The following CDKL5 variants were observed in gnomAD, a reference collection of about 807,000 sequenced individuals.
The protein encoded by CDKL5 is cyclin-dependent kinase-like 5.
CDKL5 carries 8 observed loss-of-function variants against 61.7 expected under a neutral mutation model. The ratio of observed to expected loss-of-function variants is 0.13; its 90% CI spans 0.08 to 0.23. The LOEUF (loss-of-function observed/expected upper bound fraction) is 0.23. Ranked by LOEUF, CDKL5 falls within the 10% of genes least tolerant of loss-of-function variation. The pLI is 1.00. For synonymous variants in CDKL5, 275 were observed against 272.3 expected (o/e 1.01, Z -0.10); for missense variants, 440 against 734.5 (o/e 0.60, Z 4.63).
downstream of CDKL5, among the ~76,000 whole-genome samples, chrX:18,645,013 G>C (rs183715973): frequency 8.9e-6 from 1 of 111,922 alleles, no homozygotes; most frequent in East Asian, 2.8e-4. Flanking sequence ...ACCTTTCTGC[G>C]CATTTCACTC....
At chrX:18,474,315 G>T (rs763431753) in intron 1 of CDKL5, among the ~76,000 whole-genome samples, 1 of 111,279 alleles carries the variant, frequency 9.0e-6, no homozygotes, top group East Asian at 2.8e-4. Context: ...AAATTGTAAG[G>T]GTATGGTATG....
chrX:18,509,197 G>GCGCACGCGCGCACACACACA (rs1555940193), intron 2 of CDKL5, among the ~76,000 whole-genome samples: 1 of 64,314 alleles, frequency 1.6e-5, no homozygotes, highest in South Asian at 1.1e-3. Flanking sequence ...CTCAAAACAC[G>GCGCACGCGCGCACACACACA]CACACACACA....
intron 1 of CDKL5, among the ~76,000 whole-genome samples, chrX:18,477,531 C>T (rs1921363850): frequency 9.0e-6 from 1 of 111,644 alleles, no homozygotes; most frequent in African/African-American, 3.2e-5. Flanking sequence ...TTCTCCTTTA[C>T]TGTTTTATTT....
At chrX:18,569,996 T>C (rs1405253456) in intron 4 of CDKL5, among the ~76,000 whole-genome samples, 1 of 112,023 alleles carries the variant, frequency 8.9e-6, no homozygotes, top group Non-Finnish European at 1.9e-5. Flanking sequence ...TTCTTCTTAA[T>C]TATTAGAAAA....
downstream of CDKL5, chrX:18,641,769 CGG>C (rs1927582439): frequency 7.4e-6 from 3 of 406,465 alleles, no homozygotes; most frequent in East Asian, 1.2e-4. Flanking sequence ...AAATTCGTTT[CGG>C]GGACATTTTC....
intron 1 of CDKL5, among the ~76,000 whole-genome samples, chrX:18,476,549 T>C (rs17274225): frequency 0.021 from 2,326 of 111,694 alleles, 70 homozygotes; most frequent in East Asian, 0.19. Flanking sequence ...GATTTTTGAT[T>C]ACCAATTACT....
At chrX:18,607,542 A>G (rs145470689) in intron 12 of CDKL5, among the ~76,000 whole-genome samples, 1,588 of 112,480 alleles carry the variant, frequency 0.014, 10 homozygotes, top group South Asian at 0.024. Context: ...CGAATTATAA[A>G]CAGTTACTGT....
rs778243455 is a variant in CDKL5, at chrX:18,450,874, C to CT, written c.-163+25194dup. 9.6e-3 allele frequency among the ~76,000 whole-genome samples: 950 copies of CT among 99,277 alleles called. 3 individuals are homozygous for CT. The highest frequency in any genetic ancestry group is 0.049 in the Middle Eastern group (9 of 182). The allele number at this position is 99,277 out of a possible 115,157, so 86.2% of individuals were successfully genotyped here. Reference sequence around the variant, plus strand: ...ACAGGTGTGAGCCACTGTGCCCGGCCTTTTTTTTTTTTTTTAACATGCTGT... The same window carrying CT: ...ACAGGTGTGAGCCACTGTGCCCGGCCTTTTTTTTTTTTTTTTAACATGCTGT... On this transcript the variant is annotated intron_variant, in intron 1 of 17. Coordinates refer to ENST00000623535, the MANE Select transcript of CDKL5 (RefSeq NM_001323289.2).
intron 3 of CDKL5, among the ~76,000 whole-genome samples, chrX:18,538,149 G>A (rs1320199949): frequency 8.9e-6 from 1 of 111,829 alleles, no homozygotes; most frequent in African/African-American, 3.3e-5. Flanking sequence ...TAATAGTTGT[G>A]TAGGTGATCC....
chrX:18,498,868 T>C (rs1435261468), intron 1 of CDKL5, among the ~76,000 whole-genome samples: 14 of 111,557 alleles, frequency 1.3e-4, no homozygotes, highest in African/African-American at 4.2e-4. Context: ...CACTGCATCC[T>C]CTGTGATTCT....
At chrX:18,478,324 T>G (rs1351752205) in intron 1 of CDKL5, among the ~76,000 whole-genome samples, 8 of 102,615 alleles carry the variant, frequency 7.8e-5, no homozygotes, top group African/African-American at 2.8e-4. Context: ...TCTCACTCAC[T>G]TTGTCGCCCA....
chrX:18,559,750 A>G (rs943849198), intron 3 of CDKL5, among the ~76,000 whole-genome samples: 1 of 104,278 alleles, frequency 9.6e-6, no homozygotes, highest in African/African-American at 3.5e-5. Context: ...GTCATTTAGC[A>G]TTAGGTATAT....
intron 3 of CDKL5, among the ~76,000 whole-genome samples, chrX:18,533,893 T>G (rs1353515728): frequency 2.7e-5 from 3 of 111,727 alleles, no homozygotes; most frequent in Non-Finnish European, 5.6e-5. Context: ...GCTCTGTAGG[T>G]TCCTCAGTCT....
intron 21 of CDKL5, among the ~76,000 whole-genome samples, chrX:18,651,262 TGTGAGAGA>T (rs1381164076): frequency 5.1e-5 from 4 of 77,734 alleles, no homozygotes; most frequent in African/African-American, 1.6e-4. Context: ...TGTGTGTGTG[TGTGAGAGA>T]GAGAGAGAGA....
chrX:18,484,333 G>GT (rs1462980903), intron 1 of CDKL5, among the ~76,000 whole-genome samples: 1 of 109,651 alleles, frequency 9.1e-6, no homozygotes, highest in Admixed American at 9.7e-5. Context: ...TTTTTTGGGG[G>GT]GGGGACAGTC....
chrX:18,605,148 G>A (rs963194077), intron 12 of CDKL5, among the ~76,000 whole-genome samples: 7 of 109,096 alleles, frequency 6.4e-5, no homozygotes, highest in African/African-American at 2.3e-4. Context: ...ATTTTGTTGA[G>A]AGAATCCTAT....
chrX:18,531,021 A>G (rs148562053), intron 3 of CDKL5, among the ~76,000 whole-genome samples: 1,166 of 112,121 alleles, frequency 0.01, 12 homozygotes, highest in African/African-American at 0.036. Flanking sequence ...TGGGAAGAGT[A>G]TGGCGAAGGG....
intron 10 of CDKL5, among the ~76,000 whole-genome samples, chrX:18,596,805 A>G (rs750944974): frequency 8.9e-6 from 1 of 112,432 alleles, no homozygotes; most frequent in African/African-American, 3.2e-5. Flanking sequence ...ATTACCAAAT[A>G]TAATTGCCAA....
chrX:18,542,229 C>T (rs1330247125), intron 3 of CDKL5, among the ~76,000 whole-genome samples: 6 of 111,447 alleles, frequency 5.4e-5, no homozygotes, highest in Admixed American at 9.5e-5. Context: ...GGAATTCCAG[C>T]TCCCTAGGCC....
Sources: gnomAD v4.1 joint callset for allele counts (sites outside exome capture counted in the v4.1 genomes callset) on GRCh38, gnomAD v4.1.1 for gene constraint, MANE v1.5 for transcripts, NCBI Gene and HGNC (gene_info 2026-07-23, HGNC 2026-07-21) for gene names.